The following TAFA1 variants were observed in gnomAD, a reference collection of about 807,000 sequenced individuals.
The protein encoded by TAFA1 is chemokine-like protein TAFA-1.
Under a neutral mutation model 18.5 loss-of-function variants are expected in TAFA1, and 4 were observed. The observed-to-expected ratio is 0.22, with a 90% CI of 0.11 to 0.49. The LOEUF (loss-of-function observed/expected upper bound fraction) is 0.49, where lower values mean the gene tolerates loss of function less well. Ranked by LOEUF, TAFA1 falls within the 20% of genes least tolerant of loss-of-function variation. The pLI, the probability that TAFA1 is intolerant of heterozygous loss-of-function variation, is 0.98. For missense variants in TAFA1, 147 were observed against 169.0 expected, an observed-to-expected ratio of 0.87 and a Z score of 0.72; for synonymous variants, 56 against 55.2, an observed-to-expected ratio of 1.01 and a Z score of -0.06.
intron 3 of TAFA1, among the ~76,000 whole-genome samples, chr3:68,515,458 A>C (rs940836123): frequency 6.6e-6 from 1 of 152,122 alleles, no homozygotes; most frequent in Non-Finnish European, 1.5e-5. Context: ...GTTTCCAGGA[A>C]GTATGGTTAG....
chr3:68,191,468 C>T (rs146420130), intron 2 of TAFA1, among the ~76,000 whole-genome samples: 2 of 151,846 alleles, frequency 1.3e-5, no homozygotes, highest in East Asian at 2.0e-4. Flanking sequence ...GGCACACTAA[C>T]GATGCTAAGC....
intron 2 of TAFA1, among the ~76,000 whole-genome samples, chr3:68,239,115 A>G (rs1240504808): frequency 6.6e-6 from 1 of 152,294 alleles, no homozygotes; most frequent in East Asian, 1.9e-4. Flanking sequence ...AGATGTGTGT[A>G]TTTATACTTT....
At chr3:68,142,657 C>T (rs2065682282) in intron 2 of TAFA1, among the ~76,000 whole-genome samples, 1 of 152,160 alleles carries the variant, frequency 6.6e-6, no homozygotes, top group Admixed American at 6.6e-5. Context: ...TAAAGAAGTT[C>T]CTGTTAAAAC....
At position 68,516,937 on chromosome 3, in the gene TAFA1, C is replaced by T. The variant is rs577310828; in HGVS notation, c.260-21819C>T. On this transcript the variant is annotated intron_variant, in intron 3 of 4. Transcript: ENST00000478136. ...TACAGGCATGCGCCACCACACCTAG[C>T]TAATTTTTGTATTTTTAATAGAGAT... Among the ~76,000 whole-genome samples the T allele has an allele frequency of 2.6e-5, 4 of 152,212 alleles. No individual in the cohort carries two copies. In the South Asian group the frequency reaches 8.3e-4, roughly 32 times the overall value.
intron 2 of TAFA1, among the ~76,000 whole-genome samples, chr3:68,179,817 T>C (rs1221377034): frequency 1.3e-5 from 2 of 151,988 alleles, no homozygotes; most frequent in Non-Finnish European, 2.9e-5. Context: ...TGACTTTGCT[T>C]GAATGCATGC....
chr3:68,532,346 G>A (rs1395330669), intron 3 of TAFA1, among the ~76,000 whole-genome samples: 4 of 152,180 alleles, frequency 2.6e-5, no homozygotes, highest in African/African-American at 4.8e-5. Context: ...GTATCTGGGA[G>A]CACTCTCAGA....
intron 3 of TAFA1, among the ~76,000 whole-genome samples, chr3:68,485,814 G>A (rs1298579700): frequency 6.6e-6 from 1 of 152,100 alleles, no homozygotes; most frequent in Non-Finnish European, 1.5e-5. Flanking sequence ...ATAGTAAAAA[G>A]CCAGTAAGCA....
chr3:68,114,470 A>C (rs2065301828), intron 2 of TAFA1, among the ~76,000 whole-genome samples: 1 of 152,246 alleles, frequency 6.6e-6, no homozygotes, highest in African/African-American at 2.4e-5. Flanking sequence ...CATATACAGG[A>C]GCCAATAAAC....
chr3:68,444,822 A>G (rs994476722), intron 3 of TAFA1, among the ~76,000 whole-genome samples: 1 of 145,242 alleles, frequency 6.9e-6, no homozygotes, highest in African/African-American at 2.5e-5. Context: ...AAAATAAATT[A>G]ATAAATAAAT....
At chr3:68,229,600 C>T (rs1559567187) in intron 2 of TAFA1, among the ~76,000 whole-genome samples, 1 of 152,090 alleles carries the variant, frequency 6.6e-6, no homozygotes. Flanking sequence ...TGTAGCATGG[C>T]CAAGATGATT....
rs560902798 is a variant in TAFA1 at position 68,185,089 on chromosome 3, C to T, written c.118+178345C>T. 6.8e-4 allele frequency among the ~76,000 whole-genome samples: 103 copies of T among 152,232 alleles called. 1 individual carries two copies. Among genetic ancestry groups the T allele is most frequent in the African/African-American group, 2.2e-3 (91 of 41,542 alleles). On this transcript the variant is annotated intron_variant, in intron 2 of 4. Coordinates refer to ENST00000478136, the MANE Select transcript of TAFA1 (RefSeq NM_213609.4). Reference sequence around the variant, plus strand: ...TGTTCTCATGACACTCCTAGGCTATCAGAGAAGACAGACATCTGAGCAAGC... The same window carrying T: ...TGTTCTCATGACACTCCTAGGCTATTAGAGAAGACAGACATCTGAGCAAGC...
In TAFA1 at chr3:68,287,910, G is replaced by C. The variant is rs1002181118; in HGVS notation, c.119-129370G>C. Among the ~76,000 whole-genome samples the C allele has an allele frequency of 5.9e-5, 7 of 119,540 alleles. No individual in the cohort carries two copies. The East Asian group carries it at 1.9e-3, about 32-fold the overall frequency. The allele number at this position is 119,540 out of a possible 152,430, so 78.4% of individuals were successfully genotyped here. A position where few individuals can be genotyped will look rare whatever the true frequency, so the allele number is the denominator to read the frequency against. On this transcript the variant is annotated intron_variant, in intron 2 of 4. Transcript: ENST00000478136. ...GGATTTTGCTTTTTGTTTTTGTTGG[G>C]GGGTGGGGGGGCTTTTTGAAAATTT...
At chr3:68,345,026 C>A in intron 2 of TAFA1, among the ~76,000 whole-genome samples, 1 of 124,228 alleles carries the variant, frequency 8.0e-6, no homozygotes. Flanking sequence ...GAGTGAGGCC[C>A]TATCTCAAAA....
chr3:68,331,166 T>G (rs1244530852), intron 2 of TAFA1, among the ~76,000 whole-genome samples: 4 of 152,206 alleles, frequency 2.6e-5, no homozygotes, highest in African/African-American at 4.8e-5. Context: ...TTCATGATGC[T>G]AACTGAAAGA....
chr3:68,385,107 C>A (rs1055578070), intron 2 of TAFA1, among the ~76,000 whole-genome samples: 2 of 151,866 alleles, frequency 1.3e-5, no homozygotes, highest in South Asian at 2.1e-4. Context: ...GATGGTTGCC[C>A]TTTCTTAACC....
intron 3 of TAFA1, among the ~76,000 whole-genome samples, chr3:68,497,047 T>C (rs1457749612): frequency 1.3e-5 from 2 of 152,184 alleles, no homozygotes; most frequent in Non-Finnish European, 2.9e-5. Context: ...GGCCACTTGG[T>C]ACAGTGCTTA....
At chr3:68,469,074 C>G (rs2071943485) in intron 3 of TAFA1, among the ~76,000 whole-genome samples, 1 of 151,976 alleles carries the variant, frequency 6.6e-6, no homozygotes, top group South Asian at 2.1e-4. Context: ...TCAGTGCTGG[C>G]AAAGGCTTAA....
At chr3:68,481,704 A>AATTCC (rs2072239956) in intron 3 of TAFA1, among the ~76,000 whole-genome samples, 1 of 152,240 alleles carries the variant, frequency 6.6e-6, no homozygotes, top group South Asian at 2.1e-4. Context: ...TTCCTAGCAC[A>AATTCC]TAGGCATATA....
chr3:68,057,785 C>T (rs7428837), intron 2 of TAFA1, among the ~76,000 whole-genome samples: 73,120 of 151,976 alleles, frequency 0.48, 17,839 homozygotes, highest in South Asian at 0.64. Flanking sequence ...GGAAATGTGA[C>T]GACAGAAGCA....
Sources: allele counts gnomAD v4.1 joint callset (sites outside exome capture counted in the v4.1 genomes callset), GRCh38; gene constraint gnomAD v4.1.1; transcripts MANE v1.5; gene names NCBI Gene and HGNC (gene_info 2026-07-23, HGNC 2026-07-21).